The following RASSF3 variants were observed in gnomAD, a reference collection of about 807,000 sequenced individuals.
The protein encoded by RASSF3 is Ras association domain family member 3.
Under a neutral mutation model 19.9 loss-of-function variants are expected in RASSF3, and 19 were observed. That is an observed-to-expected ratio of 0.96 (90% CI 0.67 to 1.40). The LOEUF is 1.40. Ranked by LOEUF, RASSF3 falls within the 40% of genes most tolerant of loss-of-function variation. The pLI is 0.00. For missense variants in RASSF3, 306 were observed against 289.8 expected (o/e 1.06, Z -0.41); for synonymous variants, 110 against 104.2 (o/e 1.06, Z -0.34).
chr12:64,581,315 T>C (rs1002307571), intron 2 of RASSF3, among the ~76,000 whole-genome samples: 9 of 152,194 alleles, frequency 5.9e-5, no homozygotes. Context: ...TTATTAGAAC[T>C]CTACACGTAG....
intron 2 of RASSF3, among the ~76,000 whole-genome samples, chr12:64,686,024 C>T (rs1873337467): frequency 6.6e-6 from 1 of 152,122 alleles, no homozygotes; most frequent in South Asian, 2.1e-4. Flanking sequence ...GAGGAGCTTT[C>T]AGATAGAAAC....
chr12:64,520,176 T>C (rs1302400365), intron 1 of RASSF3, among the ~76,000 whole-genome samples: 1 of 151,368 alleles, frequency 6.6e-6, no homozygotes, highest in Non-Finnish European at 1.5e-5. Flanking sequence ...TGACTTTTTT[T>C]TTTTTTTTTT....
At chr12:64,674,650 C>A (rs956589104) in intron 1 of RASSF3, among the ~76,000 whole-genome samples, 1 of 152,150 alleles carries the variant, frequency 6.6e-6, no homozygotes, top group African/African-American at 2.4e-5. Flanking sequence ...AACAACAAGG[C>A]ATAGAAGGTG....
intron 1 of RASSF3, among the ~76,000 whole-genome samples, chr12:64,671,388 C>T (rs1157733466): frequency 6.6e-6 from 1 of 152,112 alleles, no homozygotes; most frequent in Non-Finnish European, 1.5e-5. Flanking sequence ...CCTGGCCTCG[C>T]CTCTTGTGAT....
Position 64,688,098 on chromosome 12 carries a change from C to A in RASSF3, c.220-118C>A, listed in dbSNP as rs190179998. The A allele has an allele frequency of 2.8e-5, 22 of 774,290 alleles. No homozygotes were observed. In the Admixed American group the frequency reaches 4.5e-4, roughly 16 times the overall value. The allele number at this position is 774,290 out of a possible 1,614,324, so 48.0% of individuals were successfully genotyped here. A position where few individuals can be genotyped will look rare whatever the true frequency, so the allele number is the denominator to read the frequency against. On this transcript the variant is annotated intron_variant, in intron 2 of 4. Transcript: ENST00000542104. Reference sequence around the variant, plus strand: ...GGCAATCTTTAGTGAAGTTCTGCCACAAACCTCAAGAGAAGAGAACAAAGG... The same window carrying A: ...GGCAATCTTTAGTGAAGTTCTGCCAAAAACCTCAAGAGAAGAGAACAAAGG...
chr12:64,655,223 T>A (rs886657554), intron 1 of RASSF3, among the ~76,000 whole-genome samples: 9 of 152,242 alleles, frequency 5.9e-5, no homozygotes, highest in African/African-American at 2.2e-4. Context: ...AGTAAATAAT[T>A]TACCTTTTTG....
At chr12:64,554,089 A>C (rs1473031162) in intron 2 of RASSF3, among the ~76,000 whole-genome samples, 1 of 152,070 alleles carries the variant, frequency 6.6e-6, no homozygotes, top group Non-Finnish European at 1.5e-5. Context: ...CCATTGGCCC[A>C]GTTTCTGATT....
At chr12:64,671,511 A>G (rs1208170608) in intron 1 of RASSF3, among the ~76,000 whole-genome samples, 1 of 152,230 alleles carries the variant, frequency 6.6e-6, no homozygotes, top group Non-Finnish European at 1.5e-5. Context: ...GCAACCAAGC[A>G]GGAGGACGGA....
intron 2 of RASSF3, among the ~76,000 whole-genome samples, chr12:64,550,862 GAA>G (rs1869149012): frequency 7.2e-6 from 1 of 138,008 alleles, no homozygotes; most frequent in African/African-American, 2.8e-5. Flanking sequence ...AAAAAAGAGA[GAA>G]AGAGCTGATG....
chr12:64,563,589 C>A lies in RASSF3; in HGVS notation c.294+21884C>A, dbSNP rs950044659. ...GCCCTCAAGATCTAGCCCCTGCCTA[C>A]CTTGCTGATCTTGGCTCATGCCCCT... On this transcript the variant is annotated intron_variant, in intron 2 of 5. Transcript: ENST00000637125. Among the ~76,000 whole-genome samples, 4 of 152,366 alleles carry A rather than the reference C, an allele frequency of 2.6e-5. No homozygotes were observed. In the Middle Eastern group the frequency reaches 0.01, roughly 389 times the overall value.
At position 64,644,625 on chromosome 12, in the gene RASSF3, A is replaced by G. The variant is rs145299318; in HGVS notation, c.111+33882A>G. On this transcript the variant is annotated intron_variant, in intron 1 of 4. Transcript: ENST00000542104. Reference sequence around the variant, plus strand: ...GGTGGGAAGATCACCTGAGCCCAGGAGGTTGAGGCTGCAGTGAGCTGTGTT... The same window carrying G: ...GGTGGGAAGATCACCTGAGCCCAGGGGGTTGAGGCTGCAGTGAGCTGTGTT... Among the ~76,000 whole-genome samples the G allele has an allele frequency of 2.0e-4, 30 of 152,134 alleles. No homozygotes were observed. In the East Asian group the frequency reaches 4.8e-3, roughly 24 times the overall value.
At chr12:64,624,343 A>G (rs1870908785) in intron 1 of RASSF3, among the ~76,000 whole-genome samples, 2 of 152,020 alleles carry the variant, frequency 1.3e-5, no homozygotes, top group South Asian at 4.1e-4. Context: ...TAATTGATTA[A>G]TTGCAAGCAG....
intron 1 of RASSF3, among the ~76,000 whole-genome samples, chr12:64,613,532 C>T (rs1385656154): frequency 2.6e-5 from 4 of 152,050 alleles, no homozygotes; most frequent in African/African-American, 9.7e-5. Context: ...GAACATAGTG[C>T]AACTTCTTTC....
upstream of RASSF3, among the ~76,000 whole-genome samples, chr12:64,610,325 C>A (rs1870292759): frequency 6.6e-6 from 1 of 151,016 alleles, no homozygotes; most frequent in East Asian, 1.9e-4. Context: ...AAGGGGCGGG[C>A]CGGGCTCCCC....
chr12:64,542,913 C>T (rs774884055), downstream of RASSF3, among the ~76,000 whole-genome samples: 2 of 152,132 alleles, frequency 1.3e-5, no homozygotes, highest in Non-Finnish European at 1.5e-5. Context: ...CTCCCTCAGT[C>T]TGCAGGGAGG....
At chr12:64,585,430 T>C (rs1266960476) in intron 2 of RASSF3, among the ~76,000 whole-genome samples, 1 of 152,100 alleles carries the variant, frequency 6.6e-6, no homozygotes, top group Non-Finnish European at 1.5e-5. Flanking sequence ...TCTCCCTGAC[T>C]GGGCACCAGG....
chr12:64,691,867 CAG>C (rs1472628183), intron 4 of RASSF3, among the ~76,000 whole-genome samples: 2 of 152,098 alleles, frequency 1.3e-5, no homozygotes, highest in East Asian at 1.9e-4. Flanking sequence ...GATCTCCATC[CAG>C]AGAGTCATTT....
intron 1 of RASSF3, among the ~76,000 whole-genome samples, chr12:64,621,888 A>T (rs1011807804): frequency 1.3e-5 from 2 of 152,216 alleles, no homozygotes; most frequent in Non-Finnish European, 2.9e-5. Context: ...AAGCATCACC[A>T]TAAATAAACC....
At chr12:64,619,979 C>T in intron 1 of RASSF3, among the ~76,000 whole-genome samples, 1 of 102,194 alleles carries the variant, frequency 9.8e-6, no homozygotes, top group Admixed American at 1.0e-4. Flanking sequence ...GACTTTATAT[C>T]AAAAAAAAAA....
Sources: allele counts gnomAD v4.1 joint callset (sites outside exome capture counted in the v4.1 genomes callset), GRCh38; gene constraint gnomAD v4.1.1; transcripts MANE v1.5; gene names NCBI Gene and HGNC (gene_info 2026-07-23, HGNC 2026-07-21).